The following SORL1 variants were observed in gnomAD, a reference collection of about 807,000 sequenced individuals.
The protein encoded by SORL1 is sortilin related receptor 1.
SORL1 carries 127 observed loss-of-function variants against 273.7 expected under a neutral mutation model. The observed-to-expected ratio is 0.46, with a 90% CI of 0.40 to 0.54. The LOEUF is 0.54. SORL1 is among the 20% of genes least tolerant of loss of function. The pLI is 0.00. For synonymous variants in SORL1, 1,031 were observed against 1,067.4 expected, an observed-to-expected ratio of 0.97 and a Z score of 0.66; for missense variants, 2,494 against 2,846.1, an observed-to-expected ratio of 0.88 and a Z score of 2.81.
At chr11:121,532,396 C>A in intron 11 of SORL1, 68 bp from the exon 12 acceptor site, 1 of 1,390,458 alleles carries the variant, frequency 7.2e-7, no homozygotes, top group Non-Finnish European at 1.0e-6. Flanking sequence ...TGCCTGTGGG[C>A]ATGTGTACAT....
chr11:121,614,815 G>T (rs1028335513), intron 40 of SORL1, 56 bp from the exon 41 acceptor site: 75 of 1,453,556 alleles, frequency 5.2e-5, no homozygotes, highest in Admixed American at 7.1e-5. Flanking sequence ...ACCAAGACAC[G>T]TTCTTGACTA....
chr11:121,607,632 T>G (rs916382316), intron 37 of SORL1, among the ~76,000 whole-genome samples: 1 of 152,246 alleles, frequency 6.6e-6, no homozygotes, highest in African/African-American at 2.4e-5. Context: ...TGCAGAGCTA[T>G]GATAAGTAGT....
At chr11:121,477,376 C>T (rs548703163) in intron 2 of SORL1, among the ~76,000 whole-genome samples, 4 of 152,340 alleles carry the variant, frequency 2.6e-5, no homozygotes, top group Middle Eastern at 6.8e-3. Context: ...GAATTAGATA[C>T]GTTTTGGGCA....
At chr11:121,489,290 A>C (rs148644434) in intron 4 of SORL1, among the ~76,000 whole-genome samples, 7 of 152,254 alleles carry the variant, frequency 4.6e-5, no homozygotes, top group African/African-American at 1.7e-4. Flanking sequence ...AGTGATATTG[A>C]GTATATTCAT....
At chr11:121,578,100 T>A (rs1035844908) in intron 25 of SORL1, among the ~76,000 whole-genome samples, 1 of 152,156 alleles carries the variant, frequency 6.6e-6, no homozygotes, top group African/African-American at 2.4e-5. Flanking sequence ...AAAACAAAAA[T>A]TAAGGAATTT....
At position 121,543,729 on chromosome 11, in the gene SORL1, A is replaced by G. The variant is rs1862382020; in HGVS notation, c.1864+3A>G. On this transcript the variant is annotated splice_donor_region_variant and intron_variant, in intron 13 of 47. Coordinates refer to ENST00000260197, the MANE Select transcript of SORL1 (RefSeq NM_003105.6). ...GGTCAATGCCACGGATGCCTTGGGT[A>G]AGCTGCTGCCTCCTTGGACCTTTTC... 6.2e-7 allele frequency: 1 copy of G among 1,610,854 alleles called. No individual in the cohort carries two copies. Among genetic ancestry groups the G allele is most frequent in the Admixed American group, 1.7e-5 (1 of 59,982 alleles).
intron 12 of SORL1, among the ~76,000 whole-genome samples, chr11:121,538,561 A>G (rs573002622): frequency 2.6e-5 from 4 of 152,358 alleles, no homozygotes; most frequent in South Asian, 4.1e-4. Flanking sequence ...TATACAATCA[A>G]TCAATCAACA....
In SORL1 at chr11:121,602,883, A is replaced by G. The variant is rs1863415298; in HGVS notation, c.4520-1310A>G. Among the ~76,000 whole-genome samples the G allele has an allele frequency of 2.0e-5, 3 of 152,220 alleles. No individual in the cohort carries two copies. In the South Asian group the frequency reaches 6.2e-4, roughly 32 times the overall value. ...AGAGATAGGCAGAGGCCGTTAACCT[A>G]CAAGATGTCACCATGGGCAGGGGGC... On this transcript the variant is annotated intron_variant, in intron 32 of 47. Transcript: ENST00000260197.
At position 121,596,935 on chromosome 11, in the gene SORL1, TGGA is replaced by T. The variant is rs959858917; in HGVS notation, c.4519+1166_4519+1168del. On this transcript the variant is annotated intron_variant, in intron 32 of 47. Coordinates refer to ENST00000260197, the MANE Select transcript of SORL1 (RefSeq NM_003105.6). This position sits in a 1 kb window ranked among gnomAD's most constrained non-coding sequence, Gnocchi z 4.3. ...TTTAGAGATGGAATAGAATCTGAGG[TGGA>T]GGTTAGTCATCTCTTAATTCCTCTA... 6.6e-6 allele frequency among the ~76,000 whole-genome samples: 1 copy of T among 152,054 alleles called. No individual in the cohort carries two copies. Among genetic ancestry groups the T allele is most frequent in the Non-Finnish European group, 1.5e-5 (1 of 68,008 alleles).
chr11:121,544,888 G>A (rs1366249608), intron 13 of SORL1, among the ~76,000 whole-genome samples: 7 of 152,148 alleles, frequency 4.6e-5, no homozygotes, highest in Non-Finnish European at 7.4e-5. Flanking sequence ...ACCCCCAATG[G>A]TATTGCTCAT....
In SORL1 at chr11:121,558,625, C is replaced by T. The variant is rs753103364; in HGVS notation, c.2698C>T (p.Pro900Ser). The change falls in exon 20 of 48, where the codon CCT becomes TCT. Residue 900 changes from proline (P) to serine (S), a missense_variant. Pro to Ser is a moderately conservative substitution (Grantham distance 74, BLOSUM62 -1). Coordinates refer to ENST00000260197, the MANE Select transcript of SORL1 (RefSeq NM_003105.6). ...MFWTDWGDLK[P>S]GIYRSNMDGS... ...CTGGACAGACTGGGGAGACCTGAAG[C>T]CTGGGATTTATCGGAGCAATATGGA... The T allele has an allele frequency of 6.2e-7, 1 of 1,614,074 alleles. No individual in the cohort carries two copies. The highest frequency in any genetic ancestry group is 8.5e-7 in the Non-Finnish European group (1 of 1,180,010).
chr11:121,553,937 A>G lies in SORL1; in HGVS notation c.2267A>G (p.Glu756Gly). The change falls in exon 17 of 48, where the codon GAA (glutamate) becomes GGA (glycine). Residue 756 changes from glutamate (E) to glycine (G), a missense_variant and splice_region_variant. This residue lies in a region of SORL1 where 710 missense variants were observed against 882.5 expected (regional missense o/e 0.80). Coordinates refer to ENST00000260197, the MANE Select transcript of SORL1 (RefSeq NM_003105.6). The stretch of plus-strand genomic sequence containing the variant: ...CCCACGTGTCTTGTGTGTCTGGCAG[A>G]AGAGAACGAGTTCATTCTGTATGCT... ...EGELVPCPLAEENEFILYAVR... is the reference protein window; with the variant it reads ...EGELVPCPLAGENEFILYAVR... 1.9e-6 allele frequency: 3 copies of G among 1,612,336 alleles called. No homozygotes were observed. Among genetic ancestry groups the G allele is most frequent in the African/African-American group, 1.3e-5 (1 of 75,036 alleles).
chr11:121,519,745 T>G (rs1862010930), intron 8 of SORL1, among the ~76,000 whole-genome samples: 1 of 152,206 alleles, frequency 6.6e-6, no homozygotes, highest in Admixed American at 6.5e-5. Context: ...GCCTCAGCAC[T>G]GTTATTAATG....
intron 14 of SORL1, among the ~76,000 whole-genome samples, chr11:121,549,504 G>T (rs1862477310): frequency 6.6e-6 from 1 of 152,150 alleles, no homozygotes; most frequent in Non-Finnish European, 1.5e-5. Context: ...TGGGATTACA[G>T]GCGTGAACCA....
intron 25 of SORL1, among the ~76,000 whole-genome samples, chr11:121,582,332 C>T (rs1863025362): frequency 6.6e-6 from 1 of 152,248 alleles, no homozygotes; most frequent in Admixed American, 6.5e-5. Context: ...CTCAGCAACC[C>T]ACTTCTGTGT....
intron 4 of SORL1, 107 bp from the exon 5 acceptor site, chr11:121,489,936 C>G: frequency 1.2e-6 from 1 of 830,878 alleles, no homozygotes; most frequent in Non-Finnish European, 2.1e-6. Flanking sequence ...TGCCTGCCTT[C>G]ACAGACAGCG....
intron 1 of SORL1, among the ~76,000 whole-genome samples, chr11:121,467,030 C>CTTTTTTTTTTT (rs58596501): frequency 8.0e-6 from 1 of 125,304 alleles, no homozygotes; most frequent in Non-Finnish European, 1.6e-5. Flanking sequence ...TTCTTTTTTT[C>CTTTTTTTTTTT]TTTTTTTTTT....
intron 12 of SORL1, among the ~76,000 whole-genome samples, chr11:121,534,401 G>C (rs1310885737): frequency 6.6e-6 from 1 of 152,182 alleles, no homozygotes; most frequent in Non-Finnish European, 1.5e-5. Context: ...AAATAAACTT[G>C]CTGCCAGAAA....
At chr11:121,618,674 C>A (rs1269610812) in intron 41 of SORL1, 100 bp from the exon 42 acceptor site, 3 of 1,402,260 alleles carry the variant, frequency 2.1e-6, no homozygotes, top group African/African-American at 1.4e-5. Flanking sequence ...TCTCTGTGAG[C>A]TCTTTTGAAG....
Sources: gnomAD v4.1 joint callset for allele counts (sites outside exome capture counted in the v4.1 genomes callset) on GRCh38, gnomAD v4.1.1 for gene constraint, gnomAD v4.1.1 regional missense constraint, Gnocchi (gnomAD v3.1) non-coding constraint, MANE v1.5 for transcripts, NCBI Gene and HGNC (gene_info 2026-07-23, HGNC 2026-07-21) for gene names.